The following MBIP variants were observed in gnomAD, a reference collection of about 807,000 sequenced individuals.
MBIP encodes MAP3K12-binding inhibitory protein 1.
In MBIP, 32 loss-of-function variants were observed where a neutral mutation model predicts 45.7. The ratio of observed to expected loss-of-function variants is 0.70; its 90% CI spans 0.53 to 0.94. MBIP has a LOEUF of 0.94. MBIP is among the 40% of genes least tolerant of loss of function. The probability of loss-of-function intolerance (pLI) is 0.00; values close to 1 mark genes in which losing one functional copy is unlikely to be tolerated. For missense variants in MBIP, 381 were observed against 405.5 expected, an observed-to-expected ratio of 0.94 and a Z score of 0.52; for synonymous variants, 145 against 141.0, an observed-to-expected ratio of 1.03 and a Z score of -0.20.
chr14:36,300,603 A>G (rs1409970835), intron 8 of MBIP, among the ~76,000 whole-genome samples, 182 bp downstream of exon 8: 1 of 152,260 alleles, frequency 6.6e-6, no homozygotes, highest in East Asian at 1.9e-4. Context: ...TATCTGAGTC[A>G]TTCCATGCCC....
intron 7 of MBIP, among the ~76,000 whole-genome samples, chr14:36,306,331 C>T (rs1480183554): frequency 3.3e-5 from 5 of 151,990 alleles, no homozygotes; most frequent in African/African-American, 9.7e-5. Context: ...CTTGGCTCAT[C>T]GCAACCTAAG....
At chr14:36,318,904 AAT>A (rs982608019) in intron 1 of MBIP, among the ~76,000 whole-genome samples, 21 of 152,066 alleles carry the variant, frequency 1.4e-4, no homozygotes, top group Admixed American at 5.2e-4. Context: ...CACTTCTCAA[AAT>A]ATAGAGTATT....
In MBIP at chr14:36,320,526, G is replaced by A. The variant is rs780733760; in HGVS notation, c.63C>T (p.Cys21=). The A allele has an allele frequency of 1.2e-6, 2 of 1,613,796 alleles. No individual in the cohort carries two copies. Among genetic ancestry groups the A allele is most frequent in the Admixed American group, 1.7e-5 (1 of 60,014 alleles). ...SSGDRNLERR[C]RPNLSREVLY... ...GCACCTCTCGGGAGAGGTTGGGTCT[G>A]CATCTTCGCTCCAGGTTCCTGTCAC... The change falls in exon 1 of 9, where the codon TGC becomes TGT. Residue 21 remains cysteine (C), a synonymous_variant. Coordinates refer to ENST00000416007, the MANE Select transcript of MBIP (RefSeq NM_016586.3).
chr14:36,313,249 T>C (rs1043142989), intron 4 of MBIP: 3 of 151,976 alleles, frequency 2.0e-5, no homozygotes, highest in African/African-American at 7.2e-5. Flanking sequence ...GAAGCTATCA[T>C]CCATTCCAGA....
intron 7 of MBIP, among the ~76,000 whole-genome samples, chr14:36,304,379 G>T (rs1202216962): frequency 2.0e-5 from 3 of 152,176 alleles, no homozygotes; most frequent in African/African-American, 7.2e-5. Flanking sequence ...CATAGTTCCT[G>T]CCCTTGAGAG....
chr14:36,307,365 T>G lies in MBIP; in HGVS notation c.888+727A>C, dbSNP rs552771661. Among the ~76,000 whole-genome samples, 13 of 152,152 alleles carry G rather than the reference T, an allele frequency of 8.5e-5. No homozygotes were observed. The South Asian group carries it at 2.1e-3, about 24-fold the overall frequency. On this transcript the variant is annotated intron_variant, in intron 7 of 8. Transcript: ENST00000416007. ...TTCAGAAATAGGAGTTTTGGTATAATCTCACTTTGATATTATTTTAGTTCT... is the reference window on the plus strand; with the variant it reads ...TTCAGAAATAGGAGTTTTGGTATAAGCTCACTTTGATATTATTTTAGTTCT...
chr14:36,300,916 G>T, intron 7 of MBIP, 93 bp from the exon 8 acceptor site: 1 of 735,928 alleles, frequency 1.4e-6, no homozygotes, highest in Non-Finnish European at 2.1e-6. Flanking sequence ...ACAGCCTTGG[G>T]AACCCTGACA....
chr14:36,311,167 G>C (rs545170583), intron 6 of MBIP, among the ~76,000 whole-genome samples: 51 of 152,290 alleles, frequency 3.3e-4, no homozygotes, highest in African/African-American at 1.2e-3. Context: ...GTGAGGACTT[G>C]GGTTTGAGCA....
At chr14:36,319,004 C>A (rs1023787666) in intron 1 of MBIP, among the ~76,000 whole-genome samples, 3 of 151,916 alleles carry the variant, frequency 2.0e-5, no homozygotes, top group Admixed American at 6.6e-5. Flanking sequence ...GGTAAAGTAA[C>A]CAAATATTTA....
intron 7 of MBIP, among the ~76,000 whole-genome samples, chr14:36,304,141 A>G (rs1229177150): frequency 6.6e-6 from 1 of 152,202 alleles, no homozygotes; most frequent in East Asian, 1.9e-4. Context: ...TCACACGCAC[A>G]TGGCCTGTGT....
rs184948109 is a variant in MBIP, at chr14:36,308,198, A to G, written c.791-9T>C. 3.3e-4 allele frequency: 464 copies of G among 1,392,024 alleles called. 3 individuals carry two copies. The African/African-American group carries it at 6.3e-3, about 19-fold the overall frequency. 86.2% of individuals were successfully genotyped at this position (1,392,024 alleles called of 1,614,324 possible). Reference sequence around the variant, plus strand: ...TCTTGGCACTGGACCACCTAAATACATTAAAAAAAAATCTGAGATACTATT... The same window carrying G: ...TCTTGGCACTGGACCACCTAAATACGTTAAAAAAAAATCTGAGATACTATT... On this transcript the variant is annotated splice_polypyrimidine_tract_variant and intron_variant, in intron 6 of 8. Transcript: ENST00000416007.
chr14:36,319,339 T>C (rs1880751768), intron 1 of MBIP, among the ~76,000 whole-genome samples: 1 of 152,154 alleles, frequency 6.6e-6, no homozygotes, highest in African/African-American at 2.4e-5. Flanking sequence ...CCCAAGTCTT[T>C]AAAAAATGTT....
rs77376384 is a variant in MBIP at position 36,312,415 on chromosome 14, T to A, written c.572-391A>T. On this transcript the variant is annotated intron_variant, in intron 4 of 8. Coordinates refer to ENST00000416007, the MANE Select transcript of MBIP (RefSeq NM_016586.3). Reference sequence around the variant, plus strand: ...TTACTAGAATTCTTTTAATTCAGCATTTTTTATTTTAATGACCAAATTAGT... The same window carrying A: ...TTACTAGAATTCTTTTAATTCAGCAATTTTTATTTTAATGACCAAATTAGT... 7.7e-3 allele frequency among the ~76,000 whole-genome samples: 1,167 copies of A among 152,216 alleles called. 13 individuals are homozygous for A. The highest frequency in any genetic ancestry group is 0.027 in the African/African-American group (1,125 of 41,538).
Position 36,300,794 on chromosome 14 carries a change from T to A in MBIP, c.918A>T (p.Gln306His). The change falls in exon 8 of 9, where the codon CAA becomes CAT. Residue 306 changes from glutamine to histidine, a missense_variant. Physicochemically the swap from Gln to His is conservative, Grantham distance 24 (BLOSUM62 0). Coordinates refer to ENST00000416007, the MANE Select transcript of MBIP (RefSeq NM_016586.3). ...AAATGCAGTAACTTACTTGAGGTGG[T>A]TGAACTTTTCTTCTTTTTCCAGAAA... ...VSFSGKRRKV[Q>H]PPQQNYSLAE... 1 of 1,559,512 alleles carries A rather than the reference T, an allele frequency of 6.4e-7. No homozygotes were observed. Among genetic ancestry groups the A allele is most frequent in the South Asian group, 1.2e-5 (1 of 83,506 alleles).
At chr14:36,316,215 T>C (rs768107748) in intron 2 of MBIP, among the ~76,000 whole-genome samples, 2 of 152,184 alleles carry the variant, frequency 1.3e-5, no homozygotes, top group Admixed American at 6.5e-5. Context: ...GAGACATTAA[T>C]GTCATAGAAA....
In MBIP at chr14:36,320,605, G is replaced by A. The variant is rs944435215; in HGVS notation, c.-17C>T. 3 of 1,585,452 alleles carry A rather than the reference G, an allele frequency of 1.9e-6. No individual in the cohort carries two copies. The highest frequency in any genetic ancestry group is 1.1e-5 in the South Asian group (1 of 87,788). On this transcript the variant is annotated 5_prime_UTR_variant, in exon 1 of 9. Coordinates refer to ENST00000416007, the MANE Select transcript of MBIP (RefSeq NM_016586.3). ...AGCAGCCATGATATCTTCTCAGGCC[G>A]CCCCACCACCACCACCACCAAGATT...
intron 3 of MBIP, 28 bp downstream of exon 3, chr14:36,314,663 T>G: frequency 6.2e-7 from 1 of 1,608,464 alleles, no homozygotes; most frequent in Non-Finnish European, 8.5e-7. Context: ...AATAATACCC[T>G]CTCGCCCCCG....
In MBIP at chr14:36,314,822, C is replaced by T. The variant is rs768999386; in HGVS notation, c.343G>A (p.Val115Ile). 1.2e-6 allele frequency: 2 copies of T among 1,613,160 alleles called. No homozygotes were observed. Among genetic ancestry groups the T allele is most frequent in the Non-Finnish European group, 1.7e-6 (2 of 1,179,574 alleles). ...GRTEMGNKNE[V>I]NDKFSIGDLQ... ...TCGCCAATGGAAAATTTGTCATTTACTTCATTTTTGTTCCCCATTTCTGTT... is the reference window on the plus strand; with the variant it reads ...TCGCCAATGGAAAATTTGTCATTTATTTCATTTTTGTTCCCCATTTCTGTT... Residue 115 changes from valine to isoleucine, a missense_variant, in exon 3 of 9, where the codon GTA (valine) becomes ATA (isoleucine). By Grantham distance (29) the Val-to-Ile change is conservative. Transcript: ENST00000416007.
chr14:36,312,252 A>G (rs1259897024), intron 4 of MBIP, among the ~76,000 whole-genome samples: 1 of 152,120 alleles, frequency 6.6e-6, no homozygotes, highest in East Asian at 1.9e-4. Flanking sequence ...AGATTTATAT[A>G]CAGAAAAGCC....
Sources: gnomAD v4.1 joint callset for allele counts (sites outside exome capture counted in the v4.1 genomes callset) on GRCh38, gnomAD v4.1.1 for gene constraint, MANE v1.5 for transcripts, NCBI Gene and HGNC (gene_info 2026-07-23, HGNC 2026-07-21) for gene names.